The following MOB1B variants were observed in gnomAD, a reference collection of about 807,000 sequenced individuals.
The protein encoded by MOB1B is MOB1 Mps One Binder homolog B.
Under a neutral mutation model 24.4 loss-of-function variants are expected in MOB1B, and 19 were observed. That is an observed-to-expected ratio of 0.78 (90% CI 0.54 to 1.14). The LOEUF (loss-of-function observed/expected upper bound fraction) is 1.14. Ranked by LOEUF, MOB1B falls within the 50% of genes most tolerant of loss-of-function variation. MOB1B has a pLI of 0.00. For missense variants in MOB1B, 243 were observed against 259.6 expected, an observed-to-expected ratio of 0.94 and a Z score of 0.44; for synonymous variants, 76 against 82.1, an observed-to-expected ratio of 0.93 and a Z score of 0.40.
At chr4:70,972,339 T>C (rs1738792346) in intron 3 of MOB1B, among the ~76,000 whole-genome samples, 1 of 152,060 alleles carries the variant, frequency 6.6e-6, no homozygotes, top group South Asian at 2.1e-4. Context: ...CTCAACCTCT[T>C]GAGTAGCTGG....
At position 70,983,639 on chromosome 4, in the gene MOB1B, T is replaced by C. The variant is rs1739288177; in HGVS notation, c.*1582T>C. 1 of 152,566 alleles carries C rather than the reference T, an allele frequency of 6.6e-6. No homozygotes were observed. Among genetic ancestry groups the C allele is most frequent in the African/African-American group, 2.4e-5 (1 of 41,460 alleles). The allele number at this position is 152,566 out of a possible 1,614,324, so 9.5% of individuals were successfully genotyped here. A position where few individuals can be genotyped will look rare whatever the true frequency, so the allele number is the denominator to read the frequency against. ...AAGAAATGCTTGCTCTGAAATAGTA[T>C]AGATTAAAAACACTCAGTAGAAAAG... On this transcript the variant is annotated 3_prime_UTR_variant, in exon 6 of 6. Coordinates refer to ENST00000309395, the MANE Select transcript of MOB1B (RefSeq NM_173468.4).
chr4:70,980,858 T>C (rs1245629953), intron 5 of MOB1B, among the ~76,000 whole-genome samples: 1 of 152,202 alleles, frequency 6.6e-6, no homozygotes, highest in Non-Finnish European at 1.5e-5. Flanking sequence ...TCTGAGGGCA[T>C]GTGGACATTA....
At chr4:70,973,088 T>G (rs930931324) in intron 3 of MOB1B, among the ~76,000 whole-genome samples, 2 of 152,138 alleles carry the variant, frequency 1.3e-5, no homozygotes, top group Non-Finnish European at 2.9e-5. Flanking sequence ...ATTTTATTTT[T>G]CAAAAAGCCT....
At position 70,929,163 on chromosome 4, in the gene MOB1B, C is replaced by G. The variant is rs118176224; in HGVS notation, c.14+26613C>G. ...TTCTGTCCCCTGTATTTCTTTTCTTCTTTTTCTTTTCTTTCTTTCTTTTTT... is the reference window on the plus strand; with the variant it reads ...TTCTGTCCCCTGTATTTCTTTTCTTGTTTTTCTTTTCTTTCTTTCTTTTTT... On this transcript the variant is annotated intron_variant, in intron 1 of 5. Transcript: ENST00000309395. Among the ~76,000 whole-genome samples the G allele has an allele frequency of 2.4e-4, 36 of 147,108 alleles. 1 individual carries two copies. The East Asian group carries it at 7.1e-3, about 29-fold the overall frequency.
At chr4:70,981,184 T>C (rs1403989054) in intron 5 of MOB1B, among the ~76,000 whole-genome samples, 3 of 152,250 alleles carry the variant, frequency 2.0e-5, no homozygotes, top group Admixed American at 2.0e-4. Context: ...CTACAAATCT[T>C]GGGCTTGGTC....
chr4:70,955,024 G>C (rs532447038), intron 1 of MOB1B, among the ~76,000 whole-genome samples: 1 of 151,924 alleles, frequency 6.6e-6, no homozygotes, highest in Non-Finnish European at 1.5e-5. Flanking sequence ...GACCTCAAGT[G>C]GTCTGCCCGC....
In MOB1B at chr4:70,902,517, C is replaced by G. The variant is rs1021462628; in HGVS notation, c.-20C>G. ...CGAGGCCTCGCGACCGCCGAGCCTG[C>G]AGCCTGCCCCGCGGCCAACATGAGC... On this transcript the variant is annotated 5_prime_UTR_variant, in exon 1 of 6. Coordinates refer to ENST00000309395, the MANE Select transcript of MOB1B (RefSeq NM_173468.4). The G allele has an allele frequency of 1.3e-6, 2 of 1,562,178 alleles. No homozygotes were observed. The highest frequency in any genetic ancestry group is 1.9e-5 in the Admixed American group (1 of 52,802).
intron 1 of MOB1B, among the ~76,000 whole-genome samples, chr4:70,910,039 C>G (rs1232282641): frequency 6.6e-6 from 1 of 151,594 alleles, no homozygotes; most frequent in African/African-American, 2.4e-5. Flanking sequence ...TGAGCCACCA[C>G]GCCCGGCCTT....
intron 3 of MOB1B, among the ~76,000 whole-genome samples, chr4:70,973,047 A>G (rs1278396625): frequency 6.6e-6 from 1 of 152,240 alleles, no homozygotes; most frequent in Non-Finnish European, 1.5e-5. Flanking sequence ...TGCTGGCATT[A>G]CAGGCGTGAG....
intron 1 of MOB1B, among the ~76,000 whole-genome samples, chr4:70,948,369 C>A (rs1355115623): frequency 6.6e-6 from 1 of 152,152 alleles, no homozygotes; most frequent in Non-Finnish European, 1.5e-5. Flanking sequence ...CTGTTTAATA[C>A]AGTTTTTTAG....
rs542193646 is a variant in MOB1B, at chr4:70,972,009, T to C, written c.275+1985T>C. 3.3e-3 allele frequency among the ~76,000 whole-genome samples: 465 copies of C among 142,272 alleles called. 6 individuals carry two copies. The highest frequency in any genetic ancestry group is 3.5e-3 in the Non-Finnish European group (233 of 66,358). 93.3% of individuals were successfully genotyped at this position (142,272 alleles called of 152,430 possible). A position where few individuals can be genotyped will look rare whatever the true frequency, so the allele number is the denominator to read the frequency against. Reference sequence around the variant, plus strand: ...TTTCCTCCCTCTCTTCCTTTCTCCCTTTTTTTTTTTGGGGAGAATCGTGAC... The same window carrying C: ...TTTCCTCCCTCTCTTCCTTTCTCCCCTTTTTTTTTTGGGGAGAATCGTGAC... On this transcript the variant is annotated intron_variant, in intron 3 of 5. Transcript: ENST00000309395.
chr4:70,914,817 C>T (rs1361423163), intron 1 of MOB1B, among the ~76,000 whole-genome samples: 1 of 152,174 alleles, frequency 6.6e-6, no homozygotes, highest in East Asian at 1.9e-4. Context: ...CTGGCCTGGG[C>T]CCAAGCTGTT....
chr4:70,940,134 A>G (rs1737271719), intron 1 of MOB1B, among the ~76,000 whole-genome samples: 1 of 150,902 alleles, frequency 6.6e-6, no homozygotes, highest in South Asian at 2.1e-4. Flanking sequence ...CTCCACGTCC[A>G]GCCGCTTGTG....
intron 4 of MOB1B, among the ~76,000 whole-genome samples, chr4:70,977,502 A>T (rs1037820157): frequency 8.5e-5 from 13 of 152,274 alleles, no homozygotes; most frequent in Admixed American, 2.0e-4. Flanking sequence ...TACATTTTTT[A>T]AAATAAATTT....
intron 1 of MOB1B, among the ~76,000 whole-genome samples, chr4:70,954,647 G>A (rs1737961795): frequency 6.6e-6 from 1 of 151,964 alleles, no homozygotes; most frequent in Non-Finnish European, 1.5e-5. Flanking sequence ...GTACAGATAG[G>A]GTTTCACCAT....
Position 70,982,328 on chromosome 4 carries a change from A to C in MOB1B, c.*271A>C. The C allele has an allele frequency of 3.8e-6, 1 of 262,806 alleles. No individual in the cohort carries two copies. The highest frequency in any genetic ancestry group is 9.4e-5 in the South Asian group (1 of 10,626). 16.3% of individuals were successfully genotyped at this position (262,806 alleles called of 1,614,324 possible). A position where few individuals can be genotyped will look rare whatever the true frequency, so the allele number is the denominator to read the frequency against. ...GTTACTTGAGGAGTTTTTTAATAAT[A>C]TTGTGTGCTGCAAGAAAGTGCTTGT... On this transcript the variant is annotated 3_prime_UTR_variant, in exon 6 of 6. Transcript: ENST00000309395.
At chr4:70,961,226 T>A (rs1738289380) in intron 2 of MOB1B, among the ~76,000 whole-genome samples, 1 of 152,204 alleles carries the variant, frequency 6.6e-6, no homozygotes, top group Non-Finnish European at 1.5e-5. Context: ...ATATAGTCTC[T>A]CTCTTTCAAA....
At chr4:70,955,187 G>A (rs1304640691) in intron 1 of MOB1B, among the ~76,000 whole-genome samples, 1 of 152,168 alleles carries the variant, frequency 6.6e-6, no homozygotes, top group Non-Finnish European at 1.5e-5. Flanking sequence ...TTGATTAGTA[G>A]ATGACTCTGG....
chr4:70,930,132 G>T (rs944957912), intron 1 of MOB1B, among the ~76,000 whole-genome samples: 1 of 151,774 alleles, frequency 6.6e-6, no homozygotes, highest in Admixed American at 6.6e-5. Flanking sequence ...TGCTTTTTTC[G>T]AAATTAGCAT....
Sources: gnomAD v4.1 joint callset for allele counts (sites outside exome capture counted in the v4.1 genomes callset) on GRCh38, gnomAD v4.1.1 for gene constraint, MANE v1.5 for transcripts, NCBI Gene and HGNC (gene_info 2026-07-23, HGNC 2026-07-21) for gene names.